The following CDH12 variants were observed in gnomAD, a reference collection of about 807,000 sequenced individuals.
CDH12 encodes cadherin-12.
In CDH12, 41 loss-of-function variants were observed where a neutral mutation model predicts 74.1. The ratio of observed to expected loss-of-function variants is 0.55; its 90% CI spans 0.43 to 0.72. The LOEUF (loss-of-function observed/expected upper bound fraction) is 0.72. Ranked by LOEUF, CDH12 falls within the 30% of genes least tolerant of loss-of-function variation. CDH12 has a pLI of 0.00. For synonymous variants in CDH12, 399 were observed against 355.0 expected (o/e 1.12, Z -1.39); for missense variants, 945 against 977.2 (o/e 0.97, Z 0.44).
At chr5:21,988,173 G>T (rs1286552862) in intron 5 of CDH12, among the ~76,000 whole-genome samples, 1 of 152,088 alleles carries the variant, frequency 6.6e-6, no homozygotes, top group African/African-American at 2.4e-5. Context: ...TTTGGTTACA[G>T]GATATGACAA....
chr5:21,922,995 G>A (rs1427022036), intron 6 of CDH12, among the ~76,000 whole-genome samples: 3 of 133,060 alleles, frequency 2.3e-5, no homozygotes, highest in African/African-American at 8.1e-5. Context: ...TGGAGAGAAG[G>A]AGAGAGGAGC....
At chr5:22,191,853 C>T (rs185756686) in intron 4 of CDH12, among the ~76,000 whole-genome samples, 9 of 152,092 alleles carry the variant, frequency 5.9e-5, no homozygotes, top group African/African-American at 1.9e-4. Context: ...CGTGAGCCAC[C>T]GCGCCCGGCC....
intron 1 of CDH12, among the ~76,000 whole-genome samples, chr5:22,609,328 G>A (rs1737279650): frequency 6.6e-6 from 1 of 151,970 alleles, no homozygotes; most frequent in Non-Finnish European, 1.5e-5. Flanking sequence ...GGCATCCTAG[G>A]GAATCTCTAC....
At chr5:22,752,816 C>T (rs1745663984) in intron 1 of CDH12, among the ~76,000 whole-genome samples, 1 of 151,470 alleles carries the variant, frequency 6.6e-6, no homozygotes, top group African/African-American at 2.4e-5. Context: ...CCTCGTGATC[C>T]GCCCGCCTCG....
At chr5:22,302,524 T>C (rs1291404321) in intron 3 of CDH12, among the ~76,000 whole-genome samples, 1 of 152,148 alleles carries the variant, frequency 6.6e-6, no homozygotes, top group East Asian at 1.9e-4. Context: ...GAAATCCAGA[T>C]GAAGATGTCA....
Position 21,975,142 on chromosome 5 carries a change from T to C in CDH12, c.475A>G (p.Lys159Glu). Reference sequence around the variant, plus strand: ...GCAACATAAGGTCCATCCAAAAACTTTGGCTCATTATCATTAATATCCTGC... The same window carrying C: ...GCAACATAAGGTCCATCCAAAAACTCTGGCTCATTATCATTAATATCCTGC... The part of the protein sequence containing the change: ...KVQDINDNEP[K>E]FLDGPYVATV... Residue 159 changes from lysine (K) to glutamate (E), a missense_variant, in exon 6 of 15, where the codon AAG becomes GAG. This residue lies in a region of CDH12 where 791 missense variants were observed against 792.8 expected (regional missense o/e 1.00). Coordinates refer to ENST00000382254, the MANE Select transcript of CDH12 (RefSeq NM_004061.5). 1 of 1,597,292 alleles carries C rather than the reference T, an allele frequency of 6.3e-7. No individual in the cohort carries two copies. The highest frequency in any genetic ancestry group is 8.5e-7 in the Non-Finnish European group (1 of 1,179,610).
chr5:22,181,018 C>T (rs900309897), intron 4 of CDH12, among the ~76,000 whole-genome samples: 1 of 152,022 alleles, frequency 6.6e-6, no homozygotes, highest in Non-Finnish European at 1.5e-5. Flanking sequence ...TATGCAAACC[C>T]CTTCACATTA....
At chr5:22,497,848 G>A (rs1747166763) in intron 2 of CDH12, among the ~76,000 whole-genome samples, 1 of 151,722 alleles carries the variant, frequency 6.6e-6, no homozygotes, top group Admixed American at 6.6e-5. Context: ...TCACCATGTT[G>A]GCTGGGCTGG....
Position 21,819,389 on chromosome 5 carries a change from C to T in CDH12, c.815-2257G>A, listed in dbSNP as rs539050733. Among the ~76,000 whole-genome samples, 17 of 152,010 alleles carry T rather than the reference C, an allele frequency of 1.1e-4. No homozygotes were observed. In the South Asian group the frequency reaches 3.1e-3, roughly 28 times the overall value. The stretch of plus-strand genomic sequence containing the variant: ...CAAAGAAAAAGGACAAGGCACAGAA[C>T]GTGTAATTTTTCATTTTCCTTTTTT... On this transcript the variant is annotated intron_variant, in intron 8 of 14. Transcript: ENST00000382254.
intron 4 of CDH12, among the ~76,000 whole-genome samples, chr5:22,177,802 T>C (rs562398890): frequency 8.1e-4 from 124 of 152,288 alleles, no homozygotes; most frequent in Middle Eastern, 3.4e-3. Flanking sequence ...AAAAAAATCC[T>C]CTGGACATTT....
intron 1 of CDH12, among the ~76,000 whole-genome samples, chr5:22,575,212 A>C (rs1391612271): frequency 6.6e-6 from 1 of 152,042 alleles, no homozygotes; most frequent in Non-Finnish European, 1.5e-5. Flanking sequence ...AGCATTTGAT[A>C]CAGACACTTT....
intron 11 of CDH12, among the ~76,000 whole-genome samples, chr5:21,772,574 C>T (rs1041211556): frequency 2.6e-5 from 4 of 151,968 alleles, no homozygotes; most frequent in Non-Finnish European, 4.4e-5. Flanking sequence ...GTGCCTGGCC[C>T]AAATAGAATC....
intron 2 of CDH12, among the ~76,000 whole-genome samples, chr5:22,486,539 C>A (rs1746607421): frequency 6.6e-6 from 1 of 151,200 alleles, no homozygotes. Context: ...GGAACCTCCG[C>A]CTCCCAGGTT....
At chr5:22,807,838 T>A (rs1748894637) in intron 1 of CDH12, among the ~76,000 whole-genome samples, 1 of 152,116 alleles carries the variant, frequency 6.6e-6, no homozygotes, top group African/African-American at 2.4e-5. Flanking sequence ...GCTCTGGGTG[T>A]CAGGAATGAA....
At chr5:22,390,575 G>GAGATAGATAGATAGAT (rs5866562) in intron 3 of CDH12, among the ~76,000 whole-genome samples, 37 of 148,266 alleles carry the variant, frequency 2.5e-4, no homozygotes, top group African/African-American at 3.5e-4. Context: ...GATGGATGGA[G>GAGATAGATAGATAGAT]AGATAGATAG....
chr5:22,314,527 CA>C (rs1165472631), intron 3 of CDH12, among the ~76,000 whole-genome samples: 1 of 152,034 alleles, frequency 6.6e-6, no homozygotes, highest in Non-Finnish European at 1.5e-5. Flanking sequence ...TTTGGGTTCC[CA>C]AAACTGTGAG....
In CDH12 at chr5:22,025,754, C is replaced by T. The variant is rs554573866; in HGVS notation, c.232-50369G>A. On this transcript the variant is annotated intron_variant, in intron 5 of 14. Coordinates refer to ENST00000382254, the MANE Select transcript of CDH12 (RefSeq NM_004061.5). Reference sequence around the variant, plus strand: ...CCCTGCCTCCCCTTTATGAACTCAGCGTAATGTAATATTCTAAATTCTTTA... The same window carrying T: ...CCCTGCCTCCCCTTTATGAACTCAGTGTAATGTAATATTCTAAATTCTTTA... Among the ~76,000 whole-genome samples the T allele has an allele frequency of 5.3e-5, 8 of 152,218 alleles. No individual in the cohort carries two copies. The East Asian group carries it at 5.8e-4, about 11-fold the overall frequency.
intron 3 of CDH12, among the ~76,000 whole-genome samples, chr5:22,390,185 G>A (rs1340408620): frequency 6.6e-6 from 1 of 152,112 alleles, no homozygotes; most frequent in Non-Finnish European, 1.5e-5. Flanking sequence ...ACTCCTGGAG[G>A]ATGTGCTTAT....
At chr5:22,708,901 G>C (rs559390613) in intron 1 of CDH12, among the ~76,000 whole-genome samples, 1 of 152,082 alleles carries the variant, frequency 6.6e-6, no homozygotes, top group African/African-American at 2.4e-5. Flanking sequence ...AGATGCCACC[G>C]GCCACTGAAA....
Sources: gnomAD v4.1 joint callset for allele counts (sites outside exome capture counted in the v4.1 genomes callset) on GRCh38, gnomAD v4.1.1 for gene constraint, gnomAD v4.1.1 regional missense constraint, MANE v1.5 for transcripts, NCBI Gene and HGNC (gene_info 2026-07-23, HGNC 2026-07-21) for gene names.